Variants in KMT2D observed in about 807,000 individuals in gnomAD.
The protein encoded by KMT2D is lysine methyltransferase 2D, also known as histone-lysine N-methyltransferase 2D.
Under a neutral mutation model 512.7 loss-of-function variants are expected in KMT2D, and 55 were observed. The observed-to-expected ratio is 0.11, with a 90% CI of 0.09 to 0.13. KMT2D has a LOEUF of 0.13. KMT2D is among the 10% of genes least tolerant of loss of function. The pLI is 1.00. For synonymous variants in KMT2D, 2,995 were observed against 2,904.0 expected (o/e 1.03, Z -1.01); for missense variants, 6,061 against 7,127.9 (o/e 0.85, Z 5.39).
In KMT2D at chr12:49,021,510, C is replaced by T; in HGVS notation, c.*270G>A. 2.0e-6 allele frequency: 1 copy of T among 510,972 alleles called. No homozygotes were observed. Among genetic ancestry groups the T allele is most frequent in the Non-Finnish European group, 3.5e-6 (1 of 284,998 alleles). 31.7% of individuals were successfully genotyped at this position (510,972 alleles called of 1,614,324 possible). A position where few individuals can be genotyped will look rare whatever the true frequency, so the allele number is the denominator to read the frequency against. On this transcript the variant is annotated 3_prime_UTR_variant, in exon 55 of 55. Coordinates refer to ENST00000301067, the MANE Select transcript of KMT2D (RefSeq NM_003482.4). Reference sequence around the variant, plus strand: ...CCATATCCCCCTCAAACCTGAGATGCCCAATGGCTGCTTCTGTCTGGCCCC... The same window carrying T: ...CCATATCCCCCTCAAACCTGAGATGTCCAATGGCTGCTTCTGTCTGGCCCC...
At position 49,039,317 on chromosome 12, in the gene KMT2D, A is replaced by G. The variant is rs759146178; in HGVS notation, c.8271T>C (p.Ser2757=). ...SLVGLPPSKL[S]GPILGPGSFP... ...AGGACCCTGGCCCCAGGATGGGGCCACTCAGCTTGCTTGGGGGCAACCCCA... is the reference window on the plus strand; with the variant it reads ...AGGACCCTGGCCCCAGGATGGGGCCGCTCAGCTTGCTTGGGGGCAACCCCA... The change falls in exon 34 of 55, where the codon AGT becomes AGC. Residue 2757 remains serine, a synonymous_variant. Transcript: ENST00000301067. The surrounding 1 kb of genome is among the most constrained non-coding windows in gnomAD (Gnocchi z 5.0). 4 of 1,613,638 alleles carry G rather than the reference A, an allele frequency of 2.5e-6. No homozygotes were observed. The highest frequency in any genetic ancestry group is 3.4e-6 in the Non-Finnish European group (4 of 1,179,768).
chr12:49,043,235 G>A (rs763878522), intron 25 of KMT2D, 49 bp from the exon 26 acceptor site: 23 of 1,571,144 alleles, frequency 1.5e-5, no homozygotes, highest in Middle Eastern at 1.7e-4. Context: ...ATGGGTCATG[G>A]CCACTCTGAA....
rs1336548329 is a variant in KMT2D at position 49,054,374 on chromosome 12, C to T, written c.443G>A (p.Gly148Asp). 2 of 1,596,632 alleles carry T rather than the reference C, an allele frequency of 1.3e-6. No homozygotes were observed. The highest frequency in any genetic ancestry group is 3.3e-4 in the Middle Eastern group (2 of 6,048). The change falls in exon 5 of 55, where the codon GGC becomes GAC. Residue 148 changes from glycine to aspartate, a missense_variant. Coordinates refer to ENST00000301067, the MANE Select transcript of KMT2D (RefSeq NM_003482.4). This position sits in a 1 kb window ranked among gnomAD's most constrained non-coding sequence, Gnocchi z 6.4. ...AHHWCAAWSAGVWGQEGPELC... is the reference protein window; with the variant it reads ...AHHWCAAWSADVWGQEGPELC... ...TTCTGGGCCCTCCTGCCCCCATACG[C>T]CTGCCGACCATGCAGCACACCAATG... is the stretch of plus-strand genomic sequence containing the variant.
rs1398905636 is a variant in KMT2D at position 49,053,036 on chromosome 12, C to T, written c.991G>A (p.Ala331Thr). The T allele has an allele frequency of 1.2e-6, 2 of 1,613,942 alleles. No individual in the cohort carries two copies. The highest frequency in any genetic ancestry group is 2.7e-5 in the African/African-American group (2 of 74,950). Residue 331 changes from alanine to threonine, a missense_variant, in exon 9 of 55, where the codon GCA becomes ACA. Around this residue, in one of 16 missense-constraint regions of KMT2D, gnomAD observed 848 missense variants for 838.5 expected, o/e 1.01. Coordinates refer to ENST00000301067, the MANE Select transcript of KMT2D (RefSeq NM_003482.4). ...CACTCCGAGTTGGGATTCAGTTCTG[C>T]TGAGCCCGCCCCACAGGCCCGGCAC... ...RVCRACGAGS[A>T]ELNPNSEWFE...
chr12:49,049,887 C>A lies in KMT2D; in HGVS notation c.3701G>T (p.Gly1234Val), dbSNP rs767521664. 5.6e-6 allele frequency: 9 copies of A among 1,613,822 alleles called. No homozygotes were observed. Among genetic ancestry groups the A allele is most frequent in the East Asian group, 2.2e-5 (1 of 44,892 alleles). Residue 1234 changes from glycine (G) to valine (V), a missense_variant, in exon 12 of 55, where the codon GGG becomes GTG. Around this residue, in one of 16 missense-constraint regions of KMT2D, gnomAD observed 447 missense variants for 500.1 expected, o/e 0.89. Coordinates refer to ENST00000301067, the MANE Select transcript of KMT2D (RefSeq NM_003482.4). ...EPLLGSPDPEGGGSLSMELGV... is the reference protein window; with the variant it reads ...EPLLGSPDPEVGGSLSMELGV... ...CAACTCCATGGACAGGGAGCCACCC[C>A]CCTCCGGGTCTGGAGAGCCCAGGAG...
chr12:49,059,267 G>C (rs1034773449), intron 1 of KMT2D, among the ~76,000 whole-genome samples: 1 of 152,024 alleles, frequency 6.6e-6, no homozygotes, highest in Admixed American at 6.5e-5. Context: ...ACCCTGAGGG[G>C]AGAAGCAGCA....
chr12:49,019,129 G>T lies in KMT2D; in HGVS notation c.*2651C>A. ...TGCCAAGGACAGGGGCGCTGAGGGTGGAGGGAGAGAGGGCGCTTTAAAAAA... is the reference window on the plus strand; with the variant it reads ...TGCCAAGGACAGGGGCGCTGAGGGTTGAGGGAGAGAGGGCGCTTTAAAAAA... On this transcript the variant is annotated 3_prime_UTR_variant, in exon 55 of 55. Transcript: ENST00000301067. 1 of 1,147,482 alleles carries T rather than the reference G, an allele frequency of 8.7e-7. No individual in the cohort carries two copies. The highest frequency in any genetic ancestry group is 1.1e-6 in the Non-Finnish European group (1 of 929,600). 71.1% of individuals were successfully genotyped at this position (1,147,482 alleles called of 1,614,324 possible).
intron 1 of KMT2D, among the ~76,000 whole-genome samples, chr12:49,058,507 G>C (rs545072218): frequency 4.9e-4 from 75 of 152,320 alleles, no homozygotes; most frequent in African/African-American, 1.8e-3. Context: ...CATGACAGGT[G>C]TGAGAGGGGC....
rs750815710 is a variant in KMT2D at position 49,041,088 on chromosome 12, T to C, written c.6682A>G (p.Thr2228Ala). 24 of 1,533,888 alleles carry C rather than the reference T, an allele frequency of 1.6e-5. No individual in the cohort carries two copies. In the East Asian group the frequency reaches 4.5e-4, roughly 29 times the overall value. The change falls in exon 32 of 55, where the codon ACT becomes GCT. Residue 2228 changes from threonine to alanine, a missense_variant. Thr to Ala is a moderately conservative substitution (Grantham distance 58). Around this residue, in one of 16 missense-constraint regions of KMT2D, gnomAD observed 710 missense variants for 647.3 expected, o/e 1.10. Coordinates refer to ENST00000301067, the MANE Select transcript of KMT2D (RefSeq NM_003482.4). This position sits in a 1 kb window ranked among gnomAD's most constrained non-coding sequence, Gnocchi z 5.4. ...TGTCTGGGGGTGCCAGGTGGGGTAG[T>C]GTGGAATTCCCCTGGCTGGCCAGCC... ...PGAGQPGEFH[T>A]TPPGTPRHQP...
Position 49,050,146 on chromosome 12 carries a change from G to A in KMT2D, c.3442C>T (p.Leu1148Phe). 6.2e-7 allele frequency: 1 copy of A among 1,613,570 alleles called. No individual in the cohort carries two copies. Among genetic ancestry groups the A allele is most frequent in the Non-Finnish European group, 8.5e-7 (1 of 1,179,802 alleles). The stretch of plus-strand genomic sequence containing the variant: ...TCCAGGAGCACAGGGGAGCCTTTAA[G>A]TTCACTAGCCAAACTGCCAGGGGTC... ...GQTPGSLASE[L>F]KGSPVLLDPE... The change falls in exon 12 of 55, where the codon CTT becomes TTT. Residue 1148 changes from leucine to phenylalanine, a missense_variant. Transcript: ENST00000301067.
In KMT2D at chr12:49,019,155, G is replaced by C. The variant is rs1364766643; in HGVS notation, c.*2625C>G. On this transcript the variant is annotated 3_prime_UTR_variant, in exon 55 of 55. Transcript: ENST00000301067. ...GAGGGAGAGAGGGCGCTTTAAAAAA[G>C]GGAACCATTTCATCCGTTGTTACGA... 8 of 1,126,284 alleles carry C rather than the reference G, an allele frequency of 7.1e-6. 1 individual carries two copies. The highest frequency in any genetic ancestry group is 3.8e-4 in the Middle Eastern group (1 of 2,610). The allele number at this position is 1,126,284 out of a possible 1,614,324, so 69.8% of individuals were successfully genotyped here.
rs772906049 is a variant in KMT2D at position 49,033,599 on chromosome 12, G to A, written c.11106C>T (p.Gly3702=). ...LAGPSGGFFP[G]NLALRSLGPD... is the part of the protein sequence containing the mutation. ...GTCCGAGGCTTCGAAGAGCAAGGTT[G>A]CCAGGGAAGAAGCCCCCTGAAGGGC... Residue 3702 remains glycine, a synonymous_variant, in exon 40 of 55, where the codon GGC becomes GGT. Transcript: ENST00000301067. 1 of 1,613,574 alleles carries A rather than the reference G, an allele frequency of 6.2e-7. No individual in the cohort carries two copies.
chr12:49,043,589 GAAGA>G (rs776290202), intron 24 of KMT2D, 42 bp downstream of exon 24: 4 of 1,609,898 alleles, frequency 2.5e-6, no homozygotes, highest in Non-Finnish European at 3.4e-6. Context: ...TCCTAAGCCA[GAAGA>G]AAGTTGGATT....
Position 49,050,492 on chromosome 12 carries a change from C to G in KMT2D, c.3096G>C (p.Leu1032=), listed in dbSNP as rs766226783. The G allele has an allele frequency of 5.6e-6, 9 of 1,612,924 alleles. No homozygotes were observed. Among genetic ancestry groups the G allele is most frequent in the Non-Finnish European group, 6.8e-6 (8 of 1,179,196 alleles). The stretch of plus-strand genomic sequence containing the variant: ...GGGAAGGAGGGGAGTTTTGGGGAAC[C>G]AGGGAATGCTGAAGGAGTGGCGAAC... ...PQCSPLLQHS[L]VPQNSPPSQC... Residue 1032 remains leucine, a synonymous_variant, in exon 12 of 55, where the codon CTG becomes CTC. Coordinates refer to ENST00000301067, the MANE Select transcript of KMT2D (RefSeq NM_003482.4).
intron 6 of KMT2D, 85 bp from the exon 7 acceptor site, chr12:49,053,726 G>A (rs2120700607): frequency 7.0e-7 from 1 of 1,423,190 alleles, no homozygotes; most frequent in Non-Finnish European, 9.5e-7. Flanking sequence ...GGCACTCCAT[G>A]GGCACAGAAT....
rs201238440 is a variant in KMT2D, at chr12:49,051,108, G to A, written c.2575C>T (p.Pro859Ser). The change falls in exon 11 of 55, where the codon CCC becomes TCC. Residue 859 changes from proline to serine, a missense_variant. Pro to Ser is a moderately conservative substitution (Grantham distance 74). Around this residue, in one of 16 missense-constraint regions of KMT2D, gnomAD observed 848 missense variants for 838.5 expected, o/e 1.01. Transcript: ENST00000301067. ...SHLSPELEKP[P>S]LSPRPEKPPE... is the part of the protein sequence containing the mutation. Reference sequence around the variant, plus strand: ...GGCTTTTCAGGCCGAGGGGACAGGGGTGGCTTCTCAAGCTCAGGGGACAGA... The same window carrying A: ...GGCTTTTCAGGCCGAGGGGACAGGGATGGCTTCTCAAGCTCAGGGGACAGA... The A allele has an allele frequency of 6.6e-7, 1 of 1,523,118 alleles. No individual in the cohort carries two copies. The highest frequency in any genetic ancestry group is 8.8e-7 in the Non-Finnish European group (1 of 1,137,354). 94.4% of individuals were successfully genotyped at this position (1,523,118 alleles called of 1,614,324 possible).
At position 49,055,369 on chromosome 12, in the gene KMT2D, T is replaced by G. The variant is rs766485501; in HGVS notation, c.-37-8A>C. Reference sequence around the variant, plus strand: ...GGGCCCTCTCGGGGAGACCTGTTGGTGCCAAGAAAGAGATCTATATGCCTA... The same window carrying G: ...GGGCCCTCTCGGGGAGACCTGTTGGGGCCAAGAAAGAGATCTATATGCCTA... On this transcript the variant is annotated splice_region_variant and splice_polypyrimidine_tract_variant and intron_variant, in intron 1 of 54. Transcript: ENST00000301067. The G allele has an allele frequency of 1.9e-6, 3 of 1,585,390 alleles. No homozygotes were observed. In the South Asian group the frequency reaches 3.4e-5, roughly 18 times the overall value.
At position 49,038,831 on chromosome 12, in the gene KMT2D, C is replaced by T. The variant is rs2120504637; in HGVS notation, c.8525G>A (p.Gly2842Glu). 1.9e-6 allele frequency: 3 copies of T among 1,559,168 alleles called. 1 individual carries two copies. Among genetic ancestry groups the T allele is most frequent in the Middle Eastern group, 1.7e-4 (1 of 5,996 alleles). Residue 2842 changes from glycine (G) to glutamate (E), a missense_variant, in exon 35 of 55, where the codon GGA becomes GAA. By Grantham distance (98) the Gly-to-Glu change is moderately conservative. This residue lies in a region of KMT2D where 527 missense variants were observed against 578.9 expected (regional missense o/e 0.91). Coordinates refer to ENST00000301067, the MANE Select transcript of KMT2D (RefSeq NM_003482.4). The surrounding 1 kb of genome is among the most constrained non-coding windows in gnomAD (Gnocchi z 5.7). ...AMSARFPSTPGPELGRQALGS... is the reference protein window; with the variant it reads ...AMSARFPSTPEPELGRQALGS... ...TAGGGCTTGGCGGCCAAGTTCAGGT[C>T]CAGGAGTTGATGGAAAGCGAGCTGA... is the stretch of plus-strand genomic sequence containing the variant.
intron 51 of KMT2D, among the ~76,000 whole-genome samples, chr12:49,023,484 G>A (rs1942427653): frequency 6.6e-6 from 1 of 152,222 alleles, no homozygotes; most frequent in African/African-American, 2.4e-5. Flanking sequence ...ACGGCTGCCT[G>A]GCAGGATGCC....
Sources: allele counts gnomAD v4.1 joint callset (sites outside exome capture counted in the v4.1 genomes callset), GRCh38; gene constraint gnomAD v4.1.1; regional missense constraint gnomAD v4.1.1; non-coding constraint Gnocchi (gnomAD v3.1); transcripts MANE v1.5; gene names NCBI Gene and HGNC (gene_info 2026-07-23, HGNC 2026-07-21).